Variants in B3GNT4 observed in about 807,000 individuals in gnomAD.
The protein encoded by B3GNT4 is N-acetyllactosaminide beta-1,3-N-acetylglucosaminyltransferase 4.
In B3GNT4, 2 loss-of-function variants were observed where a neutral mutation model predicts 2.7. That is an observed-to-expected ratio of 0.73 (90% confidence interval 0.30 to 2.31). The LOEUF (loss-of-function observed/expected upper bound fraction) is 2.31. Among genes scored for constraint, B3GNT4 ranks in the 30% most tolerant of loss-of-function variants. B3GNT4 has a pLI of 0.12. For missense variants in B3GNT4, 708 were observed against 490.9 expected (o/e 1.44, Z -4.18); for synonymous variants, 280 against 203.4 (o/e 1.38, Z -3.20).
chr12:122,205,727 GGCTTT>G (rs1953904976), intron 2 of B3GNT4: 1 of 152,472 alleles, frequency 6.6e-6, no homozygotes, highest in Admixed American at 6.5e-5. Flanking sequence ...TGTGGTGTGT[GGCTTT>G]GTCTCCCTCC....
chr12:122,207,450 A>G lies in B3GNT4; in HGVS notation c.*62A>G. On this transcript the variant is annotated 3_prime_UTR_variant, in exon 3 of 3. Coordinates refer to ENST00000324189, the MANE Select transcript of B3GNT4 (RefSeq NM_030765.4). Reference sequence around the variant, plus strand: ...TGTTGATTCTCTATCGTGATGCGAAATTGATGCCTGCTGCTCTACAGAAAA... The same window carrying G: ...TGTTGATTCTCTATCGTGATGCGAAGTTGATGCCTGCTGCTCTACAGAAAA... 2.9e-6 allele frequency: 4 copies of G among 1,403,104 alleles called. No homozygotes were observed. Among genetic ancestry groups the G allele is most frequent in the Non-Finnish European group, 3.8e-6 (4 of 1,055,678 alleles). 86.9% of individuals were successfully genotyped at this position (1,403,104 alleles called of 1,614,324 possible). A position where few individuals can be genotyped will look rare whatever the true frequency, so the allele number is the denominator to read the frequency against.
Position 122,206,768 on chromosome 12 carries a change from T to G in B3GNT4, c.517T>G (p.Tyr173Asp), listed in dbSNP as rs1444767610. 13 of 1,606,882 alleles carry G rather than the reference T, an allele frequency of 8.1e-6. No homozygotes were observed. The highest frequency in any genetic ancestry group is 9.4e-6 in the Non-Finnish European group (11 of 1,176,084). Residue 173 changes from tyrosine to aspartate, a missense_variant, in exon 3 of 3, where the codon TAT (tyrosine) becomes GAT (aspartate). Coordinates refer to ENST00000324189, the MANE Select transcript of B3GNT4 (RefSeq NM_030765.4). ...CGCTCCCCCAGCCCAGCTGCTGGCC[T>G]ATGAGAGTAGGGAGTTTGATGACAT... ...GSAPPAQLLAYESREFDDILQ... is the reference protein window; with the variant it reads ...GSAPPAQLLADESREFDDILQ...
chr12:122,206,605 C>A lies in B3GNT4; in HGVS notation c.354C>A (p.Thr118=). The change falls in exon 3 of 3, where the codon ACC becomes ACA. Residue 118 remains threonine, a synonymous_variant. Transcript: ENST00000324189. ...AGCCTTCAGGCTGTTCCAAGGATACCTTCTTGCTCCTGGCCATCAAGTCAC... is the reference window on the plus strand; with the variant it reads ...AGCCTTCAGGCTGTTCCAAGGATACATTCTTGCTCCTGGCCATCAAGTCAC... ...LLEPSGCSKD[T]FLLLAIKSQP... The A allele has an allele frequency of 6.2e-7, 1 of 1,614,160 alleles. No homozygotes were observed. Among genetic ancestry groups the A allele is most frequent in the African/African-American group, 1.3e-5 (1 of 75,044 alleles).
rs1045591140 is a variant in B3GNT4, at chr12:122,206,355, C to T, written c.104C>T (p.Ser35Leu). 6 of 1,601,034 alleles carry T rather than the reference C, an allele frequency of 3.7e-6. No homozygotes were observed. The African/African-American group carries it at 4.0e-5, about 11-fold the overall frequency. Reference protein sequence around the residue: ...AMLCRLCWLVSYSLAVLLLGC... With the variant: ...AMLCRLCWLVLYSLAVLLLGC... The stretch of plus-strand genomic sequence containing the variant: ...CTCTGCAGGCTGTGCTGGCTGGTCT[C>T]GTACAGCTTGGCTGTGCTGTTGCTC... The change falls in exon 3 of 3, where the codon TCG becomes TTG. Residue 35 changes from serine to leucine, a missense_variant. Physicochemically the swap from Ser to Leu is moderately radical, Grantham distance 145. Coordinates refer to ENST00000324189, the MANE Select transcript of B3GNT4 (RefSeq NM_030765.4).
rs961497800 is a variant in B3GNT4, at chr12:122,207,326, A to G, written c.1075A>G (p.Met359Val). The stretch of plus-strand genomic sequence containing the variant: ...CCTCAGCCCCCTCGAGATGTGGACC[A>G]TGTGGGCACTGGTGACAGATGAGGG... ...HRLSPLEMWT[M>V]WALVTDEGLK... The change falls in exon 3 of 3, where the codon ATG (methionine) becomes GTG (valine). Residue 359 changes from methionine (M) to valine (V), a missense_variant. Coordinates refer to ENST00000324189, the MANE Select transcript of B3GNT4 (RefSeq NM_030765.4). 1.2e-6 allele frequency: 2 copies of G among 1,609,808 alleles called. No homozygotes were observed. The highest frequency in any genetic ancestry group is 2.7e-5 in the African/African-American group (2 of 74,830).
In B3GNT4 at chr12:122,207,386, T is replaced by C. The variant is rs776148736; in HGVS notation, c.1135T>C (p.Ter379ArgextTer8). The change falls in exon 3 of 3, where the codon TGA (stop) becomes CGA (arginine). Residue 379 changes from the stop codon to arginine, a stop_lost. Transcript: ENST00000324189. The part of the protein sequence containing the change: ...KCAAGPIPQR[*>R] ...TGCAGCTGGCCCCATACCCCAGCGC[T>C]GAAGGGTGGGTTGGGCAACAGCCTG... 24 of 1,542,828 alleles carry C rather than the reference T, an allele frequency of 1.6e-5. No homozygotes were observed. The highest frequency in any genetic ancestry group is 2.1e-5 in the Non-Finnish European group (24 of 1,146,448).
rs1340150788 is a variant in B3GNT4 at position 122,206,619 on chromosome 12, C to A, written c.368C>A (p.Ala123Asp). ...GCSKDTFLLL[A>D]IKSQPGHVER... is the part of the protein sequence containing the mutation. ...TCCAAGGATACCTTCTTGCTCCTGG[C>A]CATCAAGTCACAGCCTGGTCACGTG... The change falls in exon 3 of 3, where the codon GCC (alanine) becomes GAC (aspartate). Residue 123 changes from alanine to aspartate, a missense_variant. Physicochemically the swap from Ala to Asp is moderately radical, Grantham distance 126. Transcript: ENST00000324189. 1 of 1,614,100 alleles carries A rather than the reference C, an allele frequency of 6.2e-7. No homozygotes were observed. Among genetic ancestry groups the A allele is most frequent in the Non-Finnish European group, 8.5e-7 (1 of 1,180,042 alleles).
In B3GNT4 at chr12:122,207,374, A is replaced by C. The variant is rs1953946399; in HGVS notation, c.1123A>C (p.Ile375Leu). ...GGGGCTCAAGTGTGCAGCTGGCCCC[A>C]TACCCCAGCGCTGAAGGGTGGGTTG... ...DEGLKCAAGP[I>L]PQR Residue 375 changes from isoleucine (I) to leucine (L), a missense_variant, in exon 3 of 3, where the codon ATA (isoleucine) becomes CTA (leucine). Transcript: ENST00000324189. The C allele has an allele frequency of 6.4e-7, 1 of 1,568,698 alleles. No homozygotes were observed. The highest frequency in any genetic ancestry group is 8.6e-7 in the Non-Finnish European group (1 of 1,156,648).
Position 122,208,035 on chromosome 12 carries a change from G to A in B3GNT4, c.*647G>A, listed in dbSNP as rs1451738386. 1 of 529,044 alleles carries A rather than the reference G, an allele frequency of 1.9e-6. No homozygotes were observed. The highest frequency in any genetic ancestry group is 1.5e-5 in the South Asian group (1 of 65,142). 32.8% of individuals were successfully genotyped at this position (529,044 alleles called of 1,614,324 possible). On this transcript the variant is annotated 3_prime_UTR_variant, in exon 3 of 3. Coordinates refer to ENST00000324189, the MANE Select transcript of B3GNT4 (RefSeq NM_030765.4). ...ACGACGTAAATAAGACTGAAAACAG[G>A]TTAAACAGTTGCTGAACTTAAGGGC...
chr12:122,207,687 C>G lies in B3GNT4; in HGVS notation c.*299C>G. ...TAGGACCCCAGGAGAGACGCATTTT[C>G]TCTTTCAGATGCAAACAAAATCTTA... is the stretch of plus-strand genomic sequence containing the variant. On this transcript the variant is annotated 3_prime_UTR_variant, in exon 3 of 3. Coordinates refer to ENST00000324189, the MANE Select transcript of B3GNT4 (RefSeq NM_030765.4). 1.7e-6 allele frequency: 1 copy of G among 601,642 alleles called. No homozygotes were observed. The highest frequency in any genetic ancestry group is 3.1e-6 in the Non-Finnish European group (1 of 322,008). 37.3% of individuals were successfully genotyped at this position (601,642 alleles called of 1,614,324 possible). A position where few individuals can be genotyped will look rare whatever the true frequency, so the allele number is the denominator to read the frequency against.
At chr12:122,204,898 T>C in intron 2 of B3GNT4, 1 of 557,222 alleles carries the variant, frequency 1.8e-6, no homozygotes, top group Non-Finnish European at 3.2e-6. Context: ...AGCCGGGCCC[T>C]GCACGCCTGT....
Position 122,208,849 on chromosome 12 carries a change from TAC to T in B3GNT4, c.*1463_*1464del, listed in dbSNP as rs886884573. The T allele has an allele frequency of 1.6e-5, 9 of 557,912 alleles. No homozygotes were observed. Among genetic ancestry groups the T allele is most frequent in the Admixed American group, 1.5e-4 (7 of 45,204 alleles). The allele number at this position is 557,912 out of a possible 1,614,324, so 34.6% of individuals were successfully genotyped here. A position where few individuals can be genotyped will look rare whatever the true frequency, so the allele number is the denominator to read the frequency against. ...CAACTCTCACAATCATCTTTATAGC[TAC>T]AGAGCTTTTAGTACAGACCTTTGAT... On this transcript the variant is annotated 3_prime_UTR_variant, in exon 3 of 3. Transcript: ENST00000324189.
intron 2 of B3GNT4, 119 bp downstream of exon 2, chr12:122,204,803 G>GCCTC: frequency 1.2e-6 from 1 of 837,096 alleles, no homozygotes; most frequent in Non-Finnish European, 1.9e-6. Flanking sequence ...GCTTTGGGAG[G>GCCTC]CCAAGGCGGG....
In B3GNT4 at chr12:122,204,624, T is replaced by G. The variant is rs1380055127; in HGVS notation, c.6T>G (p.Leu2=). 3 of 1,610,984 alleles carry G rather than the reference T, an allele frequency of 1.9e-6. No homozygotes were observed. The highest frequency in any genetic ancestry group is 2.5e-6 in the Non-Finnish European group (3 of 1,177,608). M[L]PPQPSAAHQG... ...ACAGTCTCCAGCTGCCGTTCATGCT[T>G]CCTCCCCAGCCTTCCGCAGCCCACC... The change falls in exon 2 of 3, where the codon CTT becomes CTG. Residue 2 remains leucine, a synonymous_variant. Transcript: ENST00000324189.
chr12:122,208,395 GGTAGGCC>G lies in B3GNT4; in HGVS notation c.*1008_*1014del, dbSNP rs1953984853. ...TGCTCAGGCCCTCAATCCTCACGCAGGTAGGCCTCCTGCTCCGACTCAGCCCGCTCCT... is the reference window on the plus strand; with the variant it reads ...TGCTCAGGCCCTCAATCCTCACGCAGTCCTGCTCCGACTCAGCCCGCTCCT... On this transcript the variant is annotated 3_prime_UTR_variant, in exon 3 of 3. Transcript: ENST00000324189. The G allele has an allele frequency of 4.3e-6, 7 of 1,612,436 alleles. No homozygotes were observed. The highest frequency in any genetic ancestry group is 5.9e-6 in the Non-Finnish European group (7 of 1,180,014).
chr12:122,203,905 C>G (rs1953880733), intron 1 of B3GNT4, 104 bp downstream of exon 1: 1 of 152,306 alleles, frequency 6.6e-6, no homozygotes, highest in Non-Finnish European at 1.5e-5. Context: ...CGGCCCGCTC[C>G]CCGGTCCCCC....
Position 122,207,232 on chromosome 12 carries a change from A to T in B3GNT4, c.981A>T (p.Thr327=). The T allele has an allele frequency of 1.2e-6, 2 of 1,614,110 alleles. No individual in the cohort carries two copies. The highest frequency in any genetic ancestry group is 1.1e-5 in the South Asian group (1 of 91,074). The part of the protein sequence containing the change: ...LSPMHHAGFK[T]FGIRRPLDPL... The stretch of plus-strand genomic sequence containing the variant: ...CTATGCACCATGCTGGCTTCAAGAC[A>T]TTTGGAATCCGGCGGCCCCTGGACC... The change falls in exon 3 of 3, where the codon ACA becomes ACT. Residue 327 remains threonine, a synonymous_variant. Coordinates refer to ENST00000324189, the MANE Select transcript of B3GNT4 (RefSeq NM_030765.4).
chr12:122,204,868 A>G, intron 2 of B3GNT4, 184 bp downstream of exon 2: 1 of 579,222 alleles, frequency 1.7e-6, no homozygotes, highest in Non-Finnish European at 3.1e-6. Flanking sequence ...AAGATACCAC[A>G]TCTCTACAAA....
intron 2 of B3GNT4, 128 bp from the exon 3 acceptor site, chr12:122,206,190 A>G: frequency 1.4e-6 from 1 of 712,286 alleles, no homozygotes. Flanking sequence ...GAGCCTGAGG[A>G]TACGCTGAGA....
Sources: gnomAD v4.1 joint callset for allele counts on GRCh38, gnomAD v4.1.1 for gene constraint, MANE v1.5 for transcripts, NCBI Gene and HGNC (gene_info 2026-07-23, HGNC 2026-07-21) for gene names.